The following CASZ1 variants were observed in gnomAD, a reference collection of about 807,000 sequenced individuals.
CASZ1 encodes zinc finger protein castor homolog 1.
A neutral mutation model predicts 135.2 loss-of-function variants in CASZ1; 28 were observed. That is an observed-to-expected ratio of 0.21 (90% CI 0.15 to 0.28). CASZ1 has a LOEUF of 0.28. Among genes scored for constraint, CASZ1 ranks in the 10% least tolerant of loss-of-function variants. The pLI, the probability that CASZ1 is intolerant of heterozygous loss-of-function variation, is 1.00. For synonymous variants in CASZ1, 1,068 were observed against 1,073.4 expected, an observed-to-expected ratio of 0.99 and a Z score of 0.10; for missense variants, 2,161 against 2,453.3, an observed-to-expected ratio of 0.88 and a Z score of 2.52.
At position 10,725,032 on chromosome 1, in the gene CASZ1, G is replaced by A. The variant is rs1255715389; in HGVS notation, c.-76-19488C>T. Among the ~76,000 whole-genome samples the A allele has an allele frequency of 6.6e-6, 1 of 152,228 alleles. No individual in the cohort carries two copies. The highest frequency in any genetic ancestry group is 2.4e-5 in the African/African-American group (1 of 41,462). On this transcript the variant is annotated intron_variant, in intron 2 of 20. Coordinates refer to ENST00000377022, the MANE Select transcript of CASZ1 (RefSeq NM_001079843.3). The surrounding 1 kb of genome is among the most constrained non-coding windows in gnomAD (Gnocchi z 4.4). The stretch of plus-strand genomic sequence containing the variant: ...TTGGGACCACATGTTGGCCGGGAGG[G>A]AGCCCACAGAGGACGGAGGGAAGCA...
rs61368697 is a variant in CASZ1 at position 10,741,004 on chromosome 1, A to AT, written c.-77+19696dup. 0.92 allele frequency among the ~76,000 whole-genome samples: 130,287 copies of AT among 142,004 alleles called. 59,835 individuals are homozygous for AT. The highest frequency in any genetic ancestry group is 0.93 in the African/African-American group (35,959 of 38,552). 93.2% of individuals were successfully genotyped at this position (142,004 alleles called of 152,430 possible). On this transcript the variant is annotated intron_variant, in intron 2 of 20. Coordinates refer to ENST00000377022, the MANE Select transcript of CASZ1 (RefSeq NM_001079843.3). This position sits in a 1 kb window ranked among gnomAD's most constrained non-coding sequence, Gnocchi z 5.0. ...AAAAAAAAGTCTAAAAAACACTTAG[A>AT]TTTTTTTTTTGACAGTCTTACTCTG...
At chr1:10,708,714 G>A (rs1177233463) in intron 2 of CASZ1, among the ~76,000 whole-genome samples, 2 of 152,022 alleles carry the variant, frequency 1.3e-5, no homozygotes, top group Non-Finnish European at 2.9e-5. Flanking sequence ...TTAATTTGCT[G>A]TCAGGCTGCC....
chr1:10,743,883 G>A (rs965518267), intron 2 of CASZ1, among the ~76,000 whole-genome samples: 15 of 150,220 alleles, frequency 1.0e-4, no homozygotes, highest in East Asian at 9.8e-4. Context: ...AGAGAGGAGC[G>A]GGGAGCATGG....
intron 2 of CASZ1, among the ~76,000 whole-genome samples, chr1:10,745,178 T>C (rs980208156): frequency 6.6e-6 from 1 of 152,150 alleles, no homozygotes; most frequent in African/African-American, 2.4e-5. Flanking sequence ...AACAGAGTTC[T>C]TACCAAATTT....
chr1:10,653,296 ACT>A, intron 11 of CASZ1, 79 bp downstream of exon 11: 1 of 1,393,396 alleles, frequency 7.2e-7, no homozygotes, highest in South Asian at 1.2e-5. Flanking sequence ...ACACCCCCCG[ACT>A]CTGCTCTGCA....
At chr1:10,665,696 G>T in intron 4 of CASZ1, 125 bp from the exon 5 acceptor site, 1 of 1,068,022 alleles carries the variant, frequency 9.4e-7, no homozygotes, top group Non-Finnish European at 1.3e-6. Flanking sequence ...CCATCAAACT[G>T]CCCTGAGACT....
chr1:10,787,363 T>C (rs184310959), intron 1 of CASZ1, among the ~76,000 whole-genome samples: 1 of 152,094 alleles, frequency 6.6e-6, no homozygotes, highest in African/African-American at 2.4e-5. Context: ...TCTCACCCCG[T>C]CCCCCGATCC....
Position 10,647,034 on chromosome 1 carries a change from C to T in CASZ1, c.3498-708G>A, listed in dbSNP as rs562981924. ...CTGGTTGGCAACACTGTAGTCCCCTCCCAGGGGACCCACGGTGGGCACTCT... is the reference window on the plus strand; with the variant it reads ...CTGGTTGGCAACACTGTAGTCCCCTTCCAGGGGACCCACGGTGGGCACTCT... On this transcript the variant is annotated intron_variant, in intron 16 of 20. Transcript: ENST00000377022. This position sits in a 1 kb window ranked among gnomAD's most constrained non-coding sequence, Gnocchi z 4.9. Among the ~76,000 whole-genome samples the T allele has an allele frequency of 1.3e-5, 2 of 152,060 alleles. No individual in the cohort carries two copies. Among genetic ancestry groups the T allele is most frequent in the East Asian group, 3.9e-4 (2 of 5,138 alleles).
In CASZ1 at chr1:10,790,003, C is replaced by T. The variant is rs898416372; in HGVS notation, c.-234+6561G>A. On this transcript the variant is annotated intron_variant, in intron 1 of 20. Transcript: ENST00000377022. Reference sequence around the variant, plus strand: ...GGGCCCGAGGTGGGGGTGCCCCCCTCCCCCAGTGGCCTCCTGCTGCTGGCA... The same window carrying T: ...GGGCCCGAGGTGGGGGTGCCCCCCTTCCCCAGTGGCCTCCTGCTGCTGGCA... Among the ~76,000 whole-genome samples the T allele has an allele frequency of 7.9e-5, 12 of 152,282 alleles. No individual in the cohort carries two copies. In the South Asian group the frequency reaches 2.5e-3, roughly 32 times the overall value.
intron 18 of CASZ1, among the ~76,000 whole-genome samples, chr1:10,644,302 A>C (rs1642298364): frequency 6.6e-6 from 1 of 152,196 alleles, no homozygotes; most frequent in Non-Finnish European, 1.5e-5. Flanking sequence ...CTCAGGCATC[A>C]GTGGCCTCCC....
intron 10 of CASZ1, 23 bp downstream of exon 10, chr1:10,654,396 G>GC: frequency 6.2e-7 from 1 of 1,609,352 alleles, no homozygotes; most frequent in Middle Eastern, 1.7e-4. Flanking sequence ...GCCCACGAAG[G>GC]CCCCCACCAG....
chr1:10,789,085 G>C (rs1025756612), intron 1 of CASZ1, among the ~76,000 whole-genome samples: 2 of 152,138 alleles, frequency 1.3e-5, no homozygotes, highest in African/African-American at 2.4e-5. Context: ...CCAGGGACTT[G>C]AGGCCAGGGG....
At chr1:10,692,568 C>T (rs1332926336) in intron 4 of CASZ1, among the ~76,000 whole-genome samples, 1 of 152,200 alleles carries the variant, frequency 6.6e-6, no homozygotes, top group Non-Finnish European at 1.5e-5. Context: ...GGGTGTCACA[C>T]CCTTCCCGGG....
At position 10,794,120 on chromosome 1, in the gene CASZ1, C is replaced by T. The variant is rs1016541591; in HGVS notation, c.-234+2444G>A. On this transcript the variant is annotated intron_variant, in intron 1 of 20. Coordinates refer to ENST00000377022, the MANE Select transcript of CASZ1 (RefSeq NM_001079843.3). This position sits in a 1 kb window ranked among gnomAD's most constrained non-coding sequence, Gnocchi z 5.6. The stretch of plus-strand genomic sequence containing the variant: ...GCTCCTGCTCAGCCGGGACAGCTCC[C>T]TTTAGGACGGCGACGTGTGTGTGTG... Among the ~76,000 whole-genome samples the T allele has an allele frequency of 2.0e-5, 3 of 152,072 alleles. No individual in the cohort carries two copies. The highest frequency in any genetic ancestry group is 1.3e-4 in the Admixed American group (2 of 15,274).
Position 10,694,786 on chromosome 1 carries a change from A to C in CASZ1, c.-23-874T>G, listed in dbSNP as rs1278698422. Among the ~76,000 whole-genome samples the C allele has an allele frequency of 1.4e-5, 2 of 143,256 alleles. No individual in the cohort carries two copies. The highest frequency in any genetic ancestry group is 3.1e-5 in the Non-Finnish European group (2 of 64,788). 94.0% of individuals were successfully genotyped at this position (143,256 alleles called of 152,430 possible). A position where few individuals can be genotyped will look rare whatever the true frequency, so the allele number is the denominator to read the frequency against. ...CCAAACCTCTGGCTCCGGGAGGAGG[A>C]GGCGGGGACTTGCGCTCAGGGCTGG... On this transcript the variant is annotated intron_variant, in intron 3 of 20. Coordinates refer to ENST00000377022, the MANE Select transcript of CASZ1 (RefSeq NM_001079843.3). This position sits in a 1 kb window ranked among gnomAD's most constrained non-coding sequence, Gnocchi z 6.6.
chr1:10,726,327 T>C lies in CASZ1; in HGVS notation c.-76-20783A>G, dbSNP rs1306735467. On this transcript the variant is annotated intron_variant, in intron 2 of 20. Coordinates refer to ENST00000377022, the MANE Select transcript of CASZ1 (RefSeq NM_001079843.3). The surrounding 1 kb of genome is among the most constrained non-coding windows in gnomAD (Gnocchi z 5.7). ...GGAGGTGAAACCGGGTCTCCCCAGCTTGGGGCTACTGACCAACAGCCACGC... is the reference window on the plus strand; with the variant it reads ...GGAGGTGAAACCGGGTCTCCCCAGCCTGGGGCTACTGACCAACAGCCACGC... Among the ~76,000 whole-genome samples the C allele has an allele frequency of 6.6e-6, 1 of 152,192 alleles. No homozygotes were observed.
intron 1 of CASZ1, among the ~76,000 whole-genome samples, chr1:10,772,748 A>C (rs971785650): frequency 2.6e-5 from 4 of 152,148 alleles, no homozygotes; most frequent in African/African-American, 9.7e-5. Context: ...ATAAAGGAAC[A>C]GGTTTGCTTC....
Position 10,654,403 on chromosome 1 carries a change from C to T in CASZ1, c.1838+16G>A, listed in dbSNP as rs776572078. 2 of 1,610,796 alleles carry T rather than the reference C, an allele frequency of 1.2e-6. No individual in the cohort carries two copies. Among genetic ancestry groups the T allele is most frequent in the South Asian group, 1.1e-5 (1 of 90,760 alleles). On this transcript the variant is annotated intron_variant, in intron 10 of 20. Coordinates refer to ENST00000377022, the MANE Select transcript of CASZ1 (RefSeq NM_001079843.3). ...CCGCTTCTGCCCACGAAGGCCCCCA[C>T]CAGGCTCCCGCTTACCTGCAGTGGA... is the stretch of plus-strand genomic sequence containing the variant.
chr1:10,716,822 T>C (rs1409423090), intron 2 of CASZ1, among the ~76,000 whole-genome samples: 1 of 152,156 alleles, frequency 6.6e-6, no homozygotes, highest in Non-Finnish European at 1.5e-5. Flanking sequence ...AGTCAGTCCA[T>C]CCCCCAAAGG....
Sources: allele counts gnomAD v4.1 joint callset (sites outside exome capture counted in the v4.1 genomes callset), GRCh38; gene constraint gnomAD v4.1.1; non-coding constraint Gnocchi (gnomAD v3.1); transcripts MANE v1.5; gene names NCBI Gene and HGNC (gene_info 2026-07-23, HGNC 2026-07-21).